MECR: variants seen among roughly 807,000 people sequenced by gnomAD.
MECR encodes the protein enoyl-[acyl-carrier-protein] reductase, mitochondrial.
In MECR, 37 loss-of-function variants were observed where a neutral mutation model predicts 49.1. That is an observed-to-expected ratio of 0.75 (90% CI 0.58 to 0.99). The LOEUF (loss-of-function observed/expected upper bound fraction) is 0.99. Ranked by LOEUF, MECR falls within the 50% of genes least tolerant of loss-of-function variation. The pLI is 0.00. For missense variants in MECR, 470 were observed against 479.6 expected (o/e 0.98, Z 0.19); for synonymous variants, 198 against 191.1 (o/e 1.04, Z -0.30).
chr1:29,194,655 ACCGGACG>A (rs1292627535), intron 9 of MECR, among the ~76,000 whole-genome samples: 2 of 152,304 alleles, frequency 1.3e-5, no homozygotes, highest in Admixed American at 1.3e-4. Flanking sequence ...GAACCCCACG[ACCGGACG>A]CCACCAACAT....
At position 29,216,057 on chromosome 1, in the gene MECR, A is replaced by C. The variant is rs761659702; in HGVS notation, c.354T>G (p.Asn118Lys). ...AGTCTCCTGGCTTCAGCCCGGTCAC[A>C]TTGCTGCCCACCGCTACCACCTGTG... ...GVAQVVAVGS[N>K]VTGLKPGDWV... Residue 118 changes from asparagine to lysine, a missense_variant, in exon 3 of 10, where the codon AAT becomes AAG. Asn to Lys is a moderately conservative substitution (Grantham distance 94). Transcript: ENST00000263702. 1 of 1,614,056 alleles carries C rather than the reference A, an allele frequency of 6.2e-7. No individual in the cohort carries two copies. Among genetic ancestry groups the C allele is most frequent in the Non-Finnish European group, 8.5e-7 (1 of 1,179,968 alleles).
chr1:29,209,525 C>T (rs972244632), intron 3 of MECR, among the ~76,000 whole-genome samples: 4 of 151,796 alleles, frequency 2.6e-5, no homozygotes, highest in Non-Finnish European at 5.9e-5. Context: ...TTGTGGGGGT[C>T]GAGGTATGAG....
chr1:29,176,231 G>A, the MECR span, among the ~76,000 whole-genome samples: 3 of 151,896 alleles, frequency 2.0e-5, no homozygotes, highest in African/African-American at 4.8e-5. Context: ...CAGCCTGGGC[G>A]ACAGAGCAAG....
At position 29,226,793 on chromosome 1, in the gene MECR, G is replaced by A. The variant is rs1347099000; in HGVS notation, c.176+3938C>T. Among the ~76,000 whole-genome samples, 11 of 151,908 alleles carry A rather than the reference G, an allele frequency of 7.2e-5. 1 individual carries two copies. Among genetic ancestry groups the A allele is most frequent in the African/African-American group, 1.2e-4 (5 of 41,330 alleles). ...TGGAGTGTTTTGATTTTAAAACCCC[G>A]TAATATACAGGGAGCATTTAGTCCA... On this transcript the variant is annotated intron_variant, in intron 1 of 9. Transcript: ENST00000263702.
At chr1:29,182,910 C>T in the MECR span, among the ~76,000 whole-genome samples, 6 of 152,212 alleles carry the variant, frequency 3.9e-5, no homozygotes, top group African/African-American at 1.4e-4. Flanking sequence ...TTACACAGGT[C>T]ACTAAATGGG....
the MECR span, among the ~76,000 whole-genome samples, chr1:29,180,362 T>C: frequency 6.6e-6 from 1 of 152,238 alleles, no homozygotes; most frequent in Admixed American, 6.5e-5. Context: ...GGAGTAGTTT[T>C]TAAAGCCTTT....
chr1:29,188,795 A>G (rs1427366822), downstream of MECR, among the ~76,000 whole-genome samples: 1 of 151,828 alleles, frequency 6.6e-6, no homozygotes, highest in Admixed American at 6.6e-5. Context: ...GCCCGCTACC[A>G]TACCCGGCTA....
chr1:29,195,885 GC>G, intron 9 of MECR, 55 bp downstream of exon 9: 1 of 1,573,188 alleles, frequency 6.4e-7, no homozygotes, highest in South Asian at 1.1e-5. Context: ...CATTTCTGCT[GC>G]CATTTTTAGG....
At chr1:29,187,530 G>A in the MECR span, among the ~76,000 whole-genome samples, 1 of 151,768 alleles carries the variant, frequency 6.6e-6, no homozygotes, top group Admixed American at 6.6e-5. Context: ...TATTCTTCTC[G>A]GCCTCAGTCT....
chr1:29,171,525 G>C, the MECR span: 1 of 151,398 alleles, frequency 6.6e-6, no homozygotes, highest in Non-Finnish European at 1.5e-5. Flanking sequence ...GTACAAACTA[G>C]GGACAACACT....
intron 3 of MECR, among the ~76,000 whole-genome samples, chr1:29,209,316 G>A (rs1574374010): frequency 6.6e-6 from 1 of 152,202 alleles, no homozygotes; most frequent in Admixed American, 6.5e-5. Context: ...TTTCTCGAAT[G>A]GGTCACAACC....
At chr1:29,190,866 C>T (rs564276406), downstream of MECR, among the ~76,000 whole-genome samples, 8 of 151,652 alleles carry the variant, frequency 5.3e-5, no homozygotes, top group South Asian at 2.1e-4. Flanking sequence ...ACATCACTTG[C>T]GGGGGCAGAT....
chr1:29,172,329 C>CT, the MECR span: 2 of 152,120 alleles, frequency 1.3e-5, no homozygotes, highest in African/African-American at 4.8e-5. Context: ...GAGTCTCACT[C>CT]TGTCACCCAA....
the MECR span, among the ~76,000 whole-genome samples, chr1:29,182,426 G>A: frequency 1.3e-5 from 2 of 152,158 alleles, no homozygotes; most frequent in African/African-American, 4.8e-5. Context: ...CAATAAATGA[G>A]ACCAGTATTA....
chr1:29,196,246 G>T lies in MECR; in HGVS notation c.843C>A (p.Thr281=). ...ELLRQLARGG[T]MVTYGGMAKQ... ...TGGCCATCCCCCCATAGGTTACCAT[G>T]GTTCCTCCACGCCTGAAAAGTCCAA... Residue 281 remains threonine, a synonymous_variant, in exon 8 of 10, where the codon ACC becomes ACA. Coordinates refer to ENST00000263702, the MANE Select transcript of MECR (RefSeq NM_016011.5). 5 of 1,612,942 alleles carry T rather than the reference G, an allele frequency of 3.1e-6. No homozygotes were observed. The highest frequency in any genetic ancestry group is 4.2e-6 in the Non-Finnish European group (5 of 1,179,156).
At chr1:29,219,412 C>G (rs747075393) in intron 1 of MECR, among the ~76,000 whole-genome samples, 2 of 152,112 alleles carry the variant, frequency 1.3e-5, no homozygotes, top group Non-Finnish European at 1.5e-5. Flanking sequence ...TCTTCCACAG[C>G]TTCTCTATGA....
chr1:29,196,075 G>A, intron 8 of MECR, 62 bp from the exon 9 acceptor site: 1 of 1,598,990 alleles, frequency 6.3e-7, no homozygotes, highest in Non-Finnish European at 8.6e-7. Context: ...CCGCTTAAGG[G>A]TACAGACTCC....
intron 1 of MECR, among the ~76,000 whole-genome samples, chr1:29,217,078 G>A (rs1332120421): frequency 2.3e-5 from 3 of 129,902 alleles, no homozygotes; most frequent in Non-Finnish European, 3.1e-5. Context: ...AGGTTGTAGT[G>A]AGCTGAGATT....
chr1:29,175,451 T>C, the MECR span, among the ~76,000 whole-genome samples: 1 of 150,656 alleles, frequency 6.6e-6, no homozygotes. Flanking sequence ...ATCCCAGCAC[T>C]TTGGGAGGCC....
Sources: gnomAD v4.1 joint callset for allele counts (sites outside exome capture counted in the v4.1 genomes callset) on GRCh38, gnomAD v4.1.1 for gene constraint, MANE v1.5 for transcripts, NCBI Gene and HGNC (gene_info 2026-07-23, HGNC 2026-07-21) for gene names.